The following RABGAP1L variants were observed in gnomAD, a reference collection of about 807,000 sequenced individuals.
The protein encoded by RABGAP1L is rab GTPase-activating protein 1-like.
In RABGAP1L, 63 loss-of-function variants were observed where a neutral mutation model predicts 137.7. The observed-to-expected ratio is 0.46, with a 90% CI of 0.37 to 0.56. RABGAP1L has a LOEUF of 0.56. RABGAP1L is among the 20% of genes least tolerant of loss of function. The pLI is 0.00. For missense variants in RABGAP1L, 1,095 were observed against 1,244.0 expected, an observed-to-expected ratio of 0.88 and a Z score of 1.80; for synonymous variants, 431 against 433.7, an observed-to-expected ratio of 0.99 and a Z score of 0.08.
chr1:174,786,059 A>G (rs974300513), intron 18 of RABGAP1L, among the ~76,000 whole-genome samples: 4 of 152,218 alleles, frequency 2.6e-5, no homozygotes, highest in African/African-American at 9.6e-5. Flanking sequence ...CACCTTATGC[A>G]TTTACTTGTA....
intron 19 of RABGAP1L, among the ~76,000 whole-genome samples, chr1:174,915,418 T>C (rs1660690082): frequency 1.3e-5 from 2 of 152,084 alleles, no homozygotes; most frequent in Admixed American, 1.3e-4. Flanking sequence ...TCATGCCCTT[T>C]ATATATTTTC....
intron 19 of RABGAP1L, among the ~76,000 whole-genome samples, chr1:174,916,064 A>C (rs941347728): frequency 6.7e-6 from 1 of 149,784 alleles, no homozygotes; most frequent in Non-Finnish European, 1.5e-5. Context: ...GTCTATAATA[A>C]ATTTTTCTTT....
At chr1:174,211,101 A>G (rs1668850616) in intron 1 of RABGAP1L, among the ~76,000 whole-genome samples, 1 of 152,204 alleles carries the variant, frequency 6.6e-6, no homozygotes, top group Non-Finnish European at 1.5e-5. Flanking sequence ...GAGTACTTCA[A>G]CCAGAAAGAA....
intron 13 of RABGAP1L, among the ~76,000 whole-genome samples, chr1:174,419,604 A>T (rs1030469695): frequency 6.6e-6 from 1 of 152,222 alleles, no homozygotes; most frequent in Non-Finnish European, 1.5e-5. Context: ...TTGTAAAAAG[A>T]TGGACACATA....
intron 19 of RABGAP1L, among the ~76,000 whole-genome samples, chr1:174,871,833 T>C (rs1275244840): frequency 1.3e-5 from 2 of 152,256 alleles, no homozygotes; most frequent in Non-Finnish European, 2.9e-5. Flanking sequence ...AGTGAAGCAT[T>C]ACTCATGTTT....
chr1:174,717,532 A>T (rs1681121551), intron 17 of RABGAP1L, among the ~76,000 whole-genome samples: 1 of 152,202 alleles, frequency 6.6e-6, no homozygotes, highest in South Asian at 2.1e-4. Context: ...CATTTTATCT[A>T]ATAATGTATA....
At chr1:174,187,603 T>C (rs530592195) in intron 1 of RABGAP1L, among the ~76,000 whole-genome samples, 2 of 152,262 alleles carry the variant, frequency 1.3e-5, no homozygotes, top group Non-Finnish European at 2.9e-5. Flanking sequence ...TTAAAAAAGT[T>C]TTCAGATGCT....
chr1:174,487,696 T>A (rs912948116), intron 13 of RABGAP1L, among the ~76,000 whole-genome samples: 1 of 152,192 alleles, frequency 6.6e-6, no homozygotes, highest in Non-Finnish European at 1.5e-5. Flanking sequence ...TTCTTATCCC[T>A]CTTTCCTTCC....
chr1:174,293,293 C>T (rs1038062808), intron 10 of RABGAP1L, among the ~76,000 whole-genome samples: 4 of 152,080 alleles, frequency 2.6e-5, no homozygotes, highest in Non-Finnish European at 5.9e-5. Flanking sequence ...TGACAGTGTA[C>T]TTGCCCTTAC....
At chr1:174,365,612 G>A (rs1684545100) in intron 11 of RABGAP1L, among the ~76,000 whole-genome samples, 1 of 152,162 alleles carries the variant, frequency 6.6e-6, no homozygotes, top group Non-Finnish European at 1.5e-5. Context: ...CGCTGTGACA[G>A]GGCAGCAGTG....
intron 19 of RABGAP1L, among the ~76,000 whole-genome samples, chr1:174,944,152 A>G (rs928777463): frequency 6.6e-6 from 1 of 151,340 alleles, no homozygotes; most frequent in African/African-American, 2.4e-5. Flanking sequence ...GTGCACCTGT[A>G]ATCCTAGCTA....
At chr1:174,281,852 A>G (rs970984077) in intron 10 of RABGAP1L, among the ~76,000 whole-genome samples, 2 of 152,228 alleles carry the variant, frequency 1.3e-5, no homozygotes, top group African/African-American at 2.4e-5. Context: ...TAAAAGTTCT[A>G]TAGTGTCCAT....
chr1:174,905,677 C>T (rs1658932969), intron 19 of RABGAP1L, among the ~76,000 whole-genome samples: 1 of 151,970 alleles, frequency 6.6e-6, no homozygotes, highest in African/African-American at 2.4e-5. Flanking sequence ...GTGATGAAAC[C>T]TCATCTCTAC....
intron 13 of RABGAP1L, among the ~76,000 whole-genome samples, chr1:174,505,440 A>G (rs945624006): frequency 1.3e-5 from 2 of 151,616 alleles, no homozygotes; most frequent in East Asian, 1.9e-4. Context: ...TTTAAAATCT[A>G]GCAAACACAT....
At chr1:174,204,483 T>C (rs551461219) in intron 1 of RABGAP1L, among the ~76,000 whole-genome samples, 13 of 152,346 alleles carry the variant, frequency 8.5e-5, no homozygotes, top group South Asian at 6.2e-4. Flanking sequence ...CCTTGTGTTG[T>C]GCCGGTTTTT....
At chr1:174,365,809 T>C (rs534284517) in intron 11 of RABGAP1L, among the ~76,000 whole-genome samples, 26 of 152,362 alleles carry the variant, frequency 1.7e-4, no homozygotes, top group African/African-American at 5.3e-4. Context: ...CTGTGATTGC[T>C]CACCTGATGT....
intron 13 of RABGAP1L, among the ~76,000 whole-genome samples, chr1:174,446,949 G>C (rs12039563): frequency 2.0e-5 from 3 of 152,116 alleles, no homozygotes; most frequent in African/African-American, 7.2e-5. Context: ...GAGTATATTG[G>C]AAAGTTTTAT....
intron 13 of RABGAP1L, among the ~76,000 whole-genome samples, chr1:174,422,316 G>A (rs936779301): frequency 6.6e-5 from 10 of 151,946 alleles, no homozygotes; most frequent in Non-Finnish European, 1.2e-4. Flanking sequence ...TATTGGGTAA[G>A]AATTGTCTTG....
intron 13 of RABGAP1L, among the ~76,000 whole-genome samples, chr1:174,501,485 G>A (rs1421427565): frequency 6.6e-6 from 1 of 151,954 alleles, no homozygotes; most frequent in East Asian, 1.9e-4. Context: ...CACCGTGCCT[G>A]GCCTCACTTT....
Sources: allele counts gnomAD v4.1 joint callset (sites outside exome capture counted in the v4.1 genomes callset), GRCh38; gene constraint gnomAD v4.1.1; transcripts MANE v1.5; gene names NCBI Gene and HGNC (gene_info 2026-07-23, HGNC 2026-07-21).